The following OGFOD3 variants were observed in gnomAD, a reference collection of about 807,000 sequenced individuals.
OGFOD3 encodes 2-oxoglutarate and iron dependent oxygenase domain containing 3.
OGFOD3 carries 35 observed loss-of-function variants against 39.8 expected under a neutral mutation model. That is an observed-to-expected ratio of 0.88 (90% CI 0.67 to 1.17). The LOEUF is 1.17. Among genes scored for constraint, OGFOD3 ranks in the 50% most tolerant of loss-of-function variants. The pLI is 0.00. For synonymous variants in OGFOD3, 200 were observed against 192.0 expected (o/e 1.04, Z -0.34); for missense variants, 438 against 454.5 (o/e 0.96, Z 0.33).
intron 2 of OGFOD3, 71 bp from the exon 3 acceptor site, chr17:82,411,601 G>A: frequency 8.2e-7 from 1 of 1,221,140 alleles, no homozygotes; most frequent in South Asian, 1.2e-5. Flanking sequence ...GGGAATCAGG[G>A]CCAGAACTGG....
In OGFOD3 at chr17:82,415,061, T is replaced by C. The variant is rs2053011003; in HGVS notation, c.304+337A>G. ...CGGCAGAAGGGCTGCTGGTCGTTTCTTGTTACATTTTCCCCAACATTCTCT... is the reference window on the plus strand; with the variant it reads ...CGGCAGAAGGGCTGCTGGTCGTTTCCTGTTACATTTTCCCCAACATTCTCT... On this transcript the variant is annotated intron_variant, in intron 2 of 8. Coordinates refer to ENST00000313056, the MANE Select transcript of OGFOD3 (RefSeq NM_024648.3). The surrounding 1 kb of genome is among the most constrained non-coding windows in gnomAD (Gnocchi z 5.3). 6.6e-6 allele frequency among the ~76,000 whole-genome samples: 1 copy of C among 152,228 alleles called. No individual in the cohort carries two copies. The highest frequency in any genetic ancestry group is 1.5e-5 in the Non-Finnish European group (1 of 68,048).
intron 4 of OGFOD3, among the ~76,000 whole-genome samples, chr17:82,409,029 G>A (rs113975196): frequency 0.013 from 1,996 of 152,278 alleles, 52 homozygotes; most frequent in African/African-American, 0.046. Flanking sequence ...TCCAGCATGC[G>A]CAGCCGTCTC....
intron 8 of OGFOD3, chr17:82,394,495 C>G (rs768335274): frequency 6.2e-7 from 1 of 1,613,810 alleles, no homozygotes; most frequent in Admixed American, 1.7e-5. Context: ...GGCTCTCGGT[C>G]CATTAACTTC....
chr17:82,401,803 CA>C (rs79956747), intron 7 of OGFOD3, among the ~76,000 whole-genome samples: 936 of 61,640 alleles, frequency 0.015, 11 homozygotes, highest in East Asian at 0.086. Context: ...GACTCCATCT[CA>C]AAAAAAAAAA....
At chr17:82,405,117 G>A (rs2052833945) in intron 6 of OGFOD3, among the ~76,000 whole-genome samples, 2 of 152,248 alleles carry the variant, frequency 1.3e-5, no homozygotes, top group African/African-American at 4.8e-5. Flanking sequence ...TGCAGCCACA[G>A]GATTCCAGAT....
At chr17:82,394,627 G>C in intron 8 of OGFOD3, 1 of 1,144,820 alleles carries the variant, frequency 8.7e-7, no homozygotes, top group East Asian at 2.5e-5. Flanking sequence ...TCCAGAGAGA[G>C]GCCTGGCCTT....
chr17:82,398,159 A>T (rs763140625), intron 8 of OGFOD3, 37 bp downstream of exon 8: 22 of 1,612,462 alleles, frequency 1.4e-5, no homozygotes, highest in Non-Finnish European at 1.7e-5. Context: ...TGCCTGAGCC[A>T]GGAGCCCCAC....
rs2053015391 is a variant in OGFOD3, at chr17:82,415,415, C to T, written c.287G>A (p.Ser96Asn). 6.2e-7 allele frequency: 1 copy of T among 1,613,692 alleles called. No homozygotes were observed. The highest frequency in any genetic ancestry group is 8.5e-7 in the Non-Finnish European group (1 of 1,179,682). ...IEVPCSEDYD[S>N]HRRFEGCTPR... ...TGAACTACCTTCGAACCTGCGGTGA[C>T]TGTCGTAGTCCTCAGAGCAGGGCAC... is the stretch of plus-strand genomic sequence containing the variant. Residue 96 changes from serine (S) to asparagine (N), a missense_variant, in exon 2 of 9, where the codon AGT (serine) becomes AAT (asparagine). Coordinates refer to ENST00000313056, the MANE Select transcript of OGFOD3 (RefSeq NM_024648.3). The surrounding 1 kb of genome is among the most constrained non-coding windows in gnomAD (Gnocchi z 5.3).
In OGFOD3 at chr17:82,398,186, C is replaced by A. The variant is rs376957126; in HGVS notation, c.823+10G>T. ...GAGCCCCACGCCCAGGCCCCGCCCG[C>A]GCCTCCTACCAGCTCTCGGCTCCAC... On this transcript the variant is annotated intron_variant, in intron 8 of 8. Coordinates refer to ENST00000313056, the MANE Select transcript of OGFOD3 (RefSeq NM_024648.3). 1.3e-5 allele frequency: 21 copies of A among 1,613,796 alleles called. No individual in the cohort carries two copies. Among genetic ancestry groups the A allele is most frequent in the Non-Finnish European group, 1.6e-5 (19 of 1,179,918 alleles).
At chr17:82,413,896 GA>G (rs1221514197) in intron 2 of OGFOD3, among the ~76,000 whole-genome samples, 57 of 147,796 alleles carry the variant, frequency 3.9e-4, no homozygotes, top group African/African-American at 6.3e-4. Flanking sequence ...AAAAAAAGAA[GA>G]AAGAAAGAAA....
intron 7 of OGFOD3, among the ~76,000 whole-genome samples, chr17:82,403,624 C>CT (rs1349435750): frequency 6.6e-6 from 1 of 152,202 alleles, no homozygotes; most frequent in African/African-American, 2.4e-5. Flanking sequence ...GAGCGAGACT[C>CT]TGTCTCAACC....
intron 7 of OGFOD3, 110 bp downstream of exon 7, chr17:82,403,820 GGGCACGC>G: frequency 7.1e-7 from 1 of 1,400,120 alleles, no homozygotes; most frequent in Non-Finnish European, 9.7e-7. Flanking sequence ...CCCTGCCCAC[GGGCACGC>G]TCACCTTGTC....
intron 2 of OGFOD3, among the ~76,000 whole-genome samples, chr17:82,412,303 G>A (rs2052960870): frequency 6.7e-6 from 1 of 148,678 alleles, no homozygotes; most frequent in Admixed American, 6.6e-5. Flanking sequence ...GGGTCGTTGG[G>A]ACAGGAGCAA....
rs771059026 is a variant in OGFOD3 at position 82,403,971 on chromosome 17, G to A, written c.665C>T (p.Ala222Val). 24 of 1,608,352 alleles carry A rather than the reference G, an allele frequency of 1.5e-5. No individual in the cohort carries two copies. The highest frequency in any genetic ancestry group is 2.0e-5 in the Non-Finnish European group (23 of 1,178,110). Reference sequence around the variant, plus strand: ...GTGCGCATGCCAGTACTCGTCGTGCGCCGTCCGCGCTTCCGTGCTGTTTAT... The same window carrying A: ...GTGCGCATGCCAGTACTCGTCGTGCACCGTCCGCGCTTCCGTGCTGTTTAT... ...SRINSTEART[A>V]HDEYWHAHVD... The change falls in exon 7 of 9, where the codon GCG (alanine) becomes GTG (valine). Residue 222 changes from alanine (A) to valine (V), a missense_variant. Ala to Val is a moderately conservative substitution (Grantham distance 64). Coordinates refer to ENST00000313056, the MANE Select transcript of OGFOD3 (RefSeq NM_024648.3).
At chr17:82,397,838 G>A (rs957551843) in intron 8 of OGFOD3, among the ~76,000 whole-genome samples, 12 of 152,094 alleles carry the variant, frequency 7.9e-5, no homozygotes, top group African/African-American at 4.8e-5. Context: ...CTTAGGTTGC[G>A]AGTCTCTTTG....
chr17:82,416,928 G>A (rs2053060529), intron 1 of OGFOD3, among the ~76,000 whole-genome samples: 1 of 152,114 alleles, frequency 6.6e-6, no homozygotes, highest in South Asian at 2.1e-4. Flanking sequence ...AACCGCCTCA[G>A]CCTCCCAAGG....
At chr17:82,400,248 G>A (rs2052741056) in intron 7 of OGFOD3, among the ~76,000 whole-genome samples, 1 of 150,918 alleles carries the variant, frequency 6.6e-6, no homozygotes. Flanking sequence ...CTTGGGCTCA[G>A]CTCCCATGGG....
intron 8 of OGFOD3, chr17:82,394,397 C>T: frequency 6.2e-7 from 1 of 1,607,396 alleles, no homozygotes; most frequent in Non-Finnish European, 8.5e-7. Flanking sequence ...CTCTCAGCTT[C>T]CAGAATCGCA....
Position 82,391,933 on chromosome 17 carries a change from C to T in OGFOD3, c.*465G>A, listed in dbSNP as rs969747236. The stretch of plus-strand genomic sequence containing the variant: ...CCCGTTGCTGCCTCCAGAGCCGCCA[C>T]TCACGGACCCTTCTCCAAAGCTGCT... On this transcript the variant is annotated 3_prime_UTR_variant, in exon 9 of 9. Transcript: ENST00000313056. This position sits in a 1 kb window ranked among gnomAD's most constrained non-coding sequence, Gnocchi z 5.1. 2.9e-5 allele frequency: 5 copies of T among 170,510 alleles called. No homozygotes were observed. The highest frequency in any genetic ancestry group is 4.8e-5 in the African/African-American group (2 of 41,778). 10.6% of individuals were successfully genotyped at this position (170,510 alleles called of 1,614,324 possible).
Sources: allele counts gnomAD v4.1 joint callset (sites outside exome capture counted in the v4.1 genomes callset), GRCh38; gene constraint gnomAD v4.1.1; non-coding constraint Gnocchi (gnomAD v3.1); transcripts MANE v1.5; gene names NCBI Gene and HGNC (gene_info 2026-07-23, HGNC 2026-07-21).